The following CCSER1 variants were observed in gnomAD, a reference collection of about 807,000 sequenced individuals.
CCSER1 encodes the protein serine-rich coiled-coil domain-containing protein 1.
In CCSER1, 41 loss-of-function variants were observed where a neutral mutation model predicts 82.0. The ratio of observed to expected loss-of-function variants is 0.50; its 90% CI spans 0.39 to 0.65. The LOEUF (loss-of-function observed/expected upper bound fraction) is 0.65. Ranked by LOEUF, CCSER1 falls within the 30% of genes least tolerant of loss-of-function variation. The pLI is 0.00. For missense variants in CCSER1, 1,119 were observed against 1,064.2 expected (o/e 1.05, Z -0.72); for synonymous variants, 414 against 383.9 (o/e 1.08, Z -0.92).
chr4:91,436,907 TA>T (rs1468621768), intron 10 of CCSER1, among the ~76,000 whole-genome samples: 6 of 152,204 alleles, frequency 3.9e-5, no homozygotes, highest in Admixed American at 6.5e-5. Context: ...CCAATTAAGA[TA>T]AAGTTGTATG....
intron 5 of CCSER1, among the ~76,000 whole-genome samples, chr4:90,601,004 A>G (rs1319839582): frequency 1.3e-5 from 2 of 151,996 alleles, no homozygotes; most frequent in Non-Finnish European, 2.9e-5. Flanking sequence ...ATTGAATACA[A>G]TGGAGTTTTG....
At chr4:90,128,064 C>A (rs1294630694) in intron 1 of CCSER1, among the ~76,000 whole-genome samples, 2 of 152,026 alleles carry the variant, frequency 1.3e-5, no homozygotes, top group Non-Finnish European at 2.9e-5. Context: ...CCGCGACTCC[C>A]AGTGCGCCGC....
intron 6 of CCSER1, among the ~76,000 whole-genome samples, chr4:90,630,642 G>C (rs1258124700): frequency 1.3e-5 from 2 of 151,904 alleles, no homozygotes; most frequent in Middle Eastern, 3.2e-3. Flanking sequence ...GATTAGCATA[G>C]ACAACAGTTC....
chr4:90,882,413 A>G (rs1721468995), intron 8 of CCSER1, among the ~76,000 whole-genome samples: 1 of 152,010 alleles, frequency 6.6e-6, no homozygotes, highest in Non-Finnish European at 1.5e-5. Context: ...GCCAAGACAC[A>G]CTTAGTATTT....
At chr4:90,484,859 G>C (rs1197438749) in intron 5 of CCSER1, among the ~76,000 whole-genome samples, 3 of 152,216 alleles carry the variant, frequency 2.0e-5, no homozygotes, top group Admixed American at 1.3e-4. Context: ...CTCATTCTCA[G>C]ATCTCAAGCT....
At chr4:90,530,278 C>T (rs1774338244) in intron 5 of CCSER1, among the ~76,000 whole-genome samples, 1 of 152,142 alleles carries the variant, frequency 6.6e-6, no homozygotes, top group African/African-American at 2.4e-5. Context: ...AAAAGATTAA[C>T]ACTCTTATAG....
intron 10 of CCSER1, among the ~76,000 whole-genome samples, chr4:91,334,890 CA>C (rs1181272854): frequency 2.0e-5 from 3 of 151,128 alleles, no homozygotes; most frequent in African/African-American, 7.3e-5. Context: ...TTATTCAGGT[CA>C]GTAAAAACTA....
At chr4:90,250,083 A>G (rs1722117791) in intron 1 of CCSER1, among the ~76,000 whole-genome samples, 1 of 152,062 alleles carries the variant, frequency 6.6e-6, no homozygotes, top group Non-Finnish European at 1.5e-5. Context: ...TTTTTTAAAA[A>G]AATTGGGTTG....
chr4:90,634,473 A>C (rs1448430706), intron 6 of CCSER1, among the ~76,000 whole-genome samples: 1 of 151,852 alleles, frequency 6.6e-6, no homozygotes, highest in East Asian at 1.9e-4. Context: ...TTGCAATTAC[A>C]TTATAAAATT....
chr4:91,164,006 T>C (rs1381378396), intron 10 of CCSER1, among the ~76,000 whole-genome samples: 2 of 152,196 alleles, frequency 1.3e-5, no homozygotes, highest in Non-Finnish European at 2.9e-5. Context: ...CGTTAGTTGA[T>C]GCAGTTTCTT....
intron 3 of CCSER1, among the ~76,000 whole-genome samples, chr4:90,375,567 C>T (rs1181816532): frequency 6.6e-6 from 1 of 152,168 alleles, no homozygotes; most frequent in Non-Finnish European, 1.5e-5. Context: ...CTCTCTTAAA[C>T]TACTGAAATA....
Position 91,453,615 on chromosome 4 carries a change from A to G in CCSER1, c.2218-144957A>G, listed in dbSNP as rs145648953. Among the ~76,000 whole-genome samples the G allele has an allele frequency of 2.6e-5, 4 of 152,084 alleles. No homozygotes were observed. The East Asian group carries it at 7.7e-4, about 29-fold the overall frequency. On this transcript the variant is annotated intron_variant, in intron 10 of 10. Transcript: ENST00000509176. ...ATGATGTGTACTGAGTTTTCTATCT[A>G]TTCCCGATAAATTGCAGTCACTACT...
At chr4:91,377,726 T>C (rs577332143) in intron 10 of CCSER1, among the ~76,000 whole-genome samples, 29 of 152,330 alleles carry the variant, frequency 1.9e-4, no homozygotes, top group Middle Eastern at 3.4e-3. Context: ...GGTAGTTTCT[T>C]TTGCTGTGCA....
intron 7 of CCSER1, among the ~76,000 whole-genome samples, chr4:90,762,143 C>G (rs991190645): frequency 6.6e-6 from 1 of 152,078 alleles, no homozygotes; most frequent in Admixed American, 6.6e-5. Context: ...TGGGAAGGAC[C>G]CGACAGGAGG....
chr4:90,396,637 T>C (rs1443409156), intron 3 of CCSER1, among the ~76,000 whole-genome samples: 4 of 151,994 alleles, frequency 2.6e-5, no homozygotes, highest in Non-Finnish European at 5.9e-5. Flanking sequence ...TACTGATTAC[T>C]TTTTTTTCAT....
chr4:91,114,106 C>T (rs529972007), intron 10 of CCSER1, among the ~76,000 whole-genome samples: 1 of 152,188 alleles, frequency 6.6e-6, no homozygotes, highest in African/African-American at 2.4e-5. Context: ...CCCGTCTCGG[C>T]CTCCCGAAGT....
intron 1 of CCSER1, among the ~76,000 whole-genome samples, chr4:90,250,362 AC>A (rs1390122331): frequency 2.0e-5 from 3 of 152,126 alleles, no homozygotes; most frequent in Non-Finnish European, 4.4e-5. Context: ...TTTAGCACTT[AC>A]ATTTGGGCTT....
At chr4:90,657,058 C>G (rs1729830063) in intron 6 of CCSER1, among the ~76,000 whole-genome samples, 1 of 152,008 alleles carries the variant, frequency 6.6e-6, no homozygotes, top group African/African-American at 2.4e-5. Context: ...TTTCTACATA[C>G]AGTCATCTAT....
intron 5 of CCSER1, among the ~76,000 whole-genome samples, chr4:90,575,211 A>G (rs1780605590): frequency 6.6e-6 from 1 of 152,220 alleles, no homozygotes; most frequent in African/African-American, 2.4e-5. Context: ...TTTATAATGA[A>G]TGGAAATTTA....
Sources: allele counts gnomAD v4.1 joint callset (sites outside exome capture counted in the v4.1 genomes callset), GRCh38; gene constraint gnomAD v4.1.1; transcripts MANE v1.5; gene names NCBI Gene and HGNC (gene_info 2026-07-23, HGNC 2026-07-21).